The following C8orf89 variants were observed in gnomAD, a reference collection of about 807,000 sequenced individuals.
C8orf89 encodes the protein chromosome 8 open reading frame 89, also known as putative uncharacterized protein C8orf89.
C8orf89 carries 14 observed loss-of-function variants against 15.8 expected under a neutral mutation model. That is an observed-to-expected ratio of 0.89 (90% CI 0.59 to 1.39). The LOEUF is 1.39. C8orf89 is among the 40% of genes most tolerant of loss of function. The pLI is 0.00. For synonymous variants in C8orf89, 55 were observed against 62.2 expected (o/e 0.88, Z 0.54); for missense variants, 181 against 184.5 (o/e 0.98, Z 0.11).
At chr8:73,253,983 G>A (rs948943051) in intron 2 of C8orf89, among the ~76,000 whole-genome samples, 16 of 152,076 alleles carry the variant, frequency 1.1e-4, no homozygotes, top group African/African-American at 3.6e-4. Context: ...AATAGGAGTG[G>A]TGAGAGAGGG....
the C8orf89 span, among the ~76,000 whole-genome samples, chr8:73,282,358 TA>T: frequency 6.6e-6 from 1 of 152,164 alleles, no homozygotes; most frequent in Non-Finnish European, 1.5e-5. Context: ...AGGAGGGAGA[TA>T]TTACTTTCGG....
chr8:73,256,317 T>C (rs1416049599), intron 2 of C8orf89, among the ~76,000 whole-genome samples: 2 of 151,978 alleles, frequency 1.3e-5, no homozygotes, highest in Non-Finnish European at 2.9e-5. Flanking sequence ...AGGTTCTATA[T>C]AGAGGGTACA....
At chr8:73,244,855 G>A (rs911777099) in intron 3 of C8orf89, among the ~76,000 whole-genome samples, 45 of 152,262 alleles carry the variant, frequency 3.0e-4, no homozygotes, top group African/African-American at 1.1e-3. Context: ...CAATTAAGTT[G>A]GAAGTTGTTA....
chr8:73,247,156 A>G (rs1368296051), intron 3 of C8orf89, among the ~76,000 whole-genome samples: 1 of 152,078 alleles, frequency 6.6e-6, no homozygotes, highest in Non-Finnish European at 1.5e-5. Flanking sequence ...TAAGCCTAGT[A>G]CCCATTAGTT....
the C8orf89 span, among the ~76,000 whole-genome samples, chr8:73,282,609 T>A: frequency 6.6e-6 from 1 of 152,200 alleles, no homozygotes; most frequent in Non-Finnish European, 1.5e-5. Context: ...GACAAAGTGG[T>A]CTATATTTTC....
the C8orf89 span, among the ~76,000 whole-genome samples, chr8:73,282,713 T>C: frequency 6.6e-6 from 1 of 152,334 alleles, no homozygotes; most frequent in Non-Finnish European, 1.5e-5. Flanking sequence ...AAAATTAATA[T>C]GGCAGAGACT....
chr8:73,258,707 C>A (rs529016664), intron 1 of C8orf89, among the ~76,000 whole-genome samples: 1 of 150,432 alleles, frequency 6.6e-6, no homozygotes, highest in Non-Finnish European at 1.5e-5. Context: ...TGGCTCACTG[C>A]AGCCTCACCC....
chr8:73,252,703 C>A, intron 2 of C8orf89, among the ~76,000 whole-genome samples: 1 of 152,092 alleles, frequency 6.6e-6, no homozygotes, highest in East Asian at 1.9e-4. Flanking sequence ...GAAACGTCAA[C>A]CTTGTGTGCT....
At chr8:73,264,353 C>A (rs1813581545), upstream of C8orf89, among the ~76,000 whole-genome samples, 1 of 152,164 alleles carries the variant, frequency 6.6e-6, no homozygotes, top group Non-Finnish European at 1.5e-5. Flanking sequence ...CAAGTATTGA[C>A]TTTGGGGTTA....
the C8orf89 span, among the ~76,000 whole-genome samples, chr8:73,264,755 T>G: frequency 6.6e-6 from 1 of 152,192 alleles, no homozygotes; most frequent in Non-Finnish European, 1.5e-5. Context: ...CCTCCCAAAG[T>G]GCTGGGATTA....
upstream of C8orf89, among the ~76,000 whole-genome samples, chr8:73,263,923 G>T (rs909918136): frequency 1.3e-5 from 2 of 152,118 alleles, no homozygotes. Flanking sequence ...TGAGCCTCTG[G>T]TCCCAACATT....
chr8:73,253,301 A>G (rs1230292033), intron 2 of C8orf89, among the ~76,000 whole-genome samples: 1 of 152,224 alleles, frequency 6.6e-6, no homozygotes, highest in Non-Finnish European at 1.5e-5. Flanking sequence ...GATTTCTAGA[A>G]GGAAAAGTAT....
the C8orf89 span, among the ~76,000 whole-genome samples, chr8:73,276,679 C>T: frequency 6.6e-5 from 10 of 151,956 alleles, no homozygotes; most frequent in South Asian, 4.1e-4. Flanking sequence ...AGCCAAAAAA[C>T]CTTAAATTCT....
chr8:73,271,300 G>A, the C8orf89 span, among the ~76,000 whole-genome samples: 1 of 152,212 alleles, frequency 6.6e-6, no homozygotes, highest in Admixed American at 6.5e-5. Flanking sequence ...GTGAGGCCTA[G>A]TGGGAGGTGT....
chr8:73,277,581 A>G, the C8orf89 span: 4 of 764,080 alleles, frequency 5.2e-6, no homozygotes, highest in Non-Finnish European at 9.8e-6. Flanking sequence ...ACACTCCCAG[A>G]CAGATAAATC....
At chr8:73,250,653 C>T (rs988552439) in intron 2 of C8orf89, among the ~76,000 whole-genome samples, 1 of 152,136 alleles carries the variant, frequency 6.6e-6, no homozygotes, top group African/African-American at 2.4e-5. Flanking sequence ...TTTTTGTACA[C>T]TTTTTACCTA....
At chr8:73,265,022 G>A in the C8orf89 span, among the ~76,000 whole-genome samples, 1 of 152,090 alleles carries the variant, frequency 6.6e-6, no homozygotes, top group Non-Finnish European at 1.5e-5. Flanking sequence ...AAACATGCTA[G>A]TCAGAATTGT....
the C8orf89 span, among the ~76,000 whole-genome samples, chr8:73,284,673 C>T: frequency 6.6e-6 from 1 of 152,112 alleles, no homozygotes; most frequent in Non-Finnish European, 1.5e-5. Context: ...TTTCTAACTC[C>T]ATATACTTCC....
At chr8:73,270,459 A>C in the C8orf89 span, among the ~76,000 whole-genome samples, 1 of 152,346 alleles carries the variant, frequency 6.6e-6, no homozygotes, top group South Asian at 2.1e-4. Context: ...AGATTTGGGG[A>C]GGTTAAATGG....
Sources: gnomAD v4.1 joint callset for allele counts (sites outside exome capture counted in the v4.1 genomes callset) on GRCh38, gnomAD v4.1.1 for gene constraint, MANE v1.5 for transcripts, NCBI Gene and HGNC (gene_info 2026-07-23, HGNC 2026-07-21) for gene names.